BCAR3: variants seen among roughly 807,000 people sequenced by gnomAD.
The protein encoded by BCAR3 is BCAR3 adaptor protein, NSP family member.
BCAR3 carries 37 observed loss-of-function variants against 80.1 expected under a neutral mutation model. The ratio of observed to expected loss-of-function variants is 0.46; its 90% CI spans 0.36 to 0.61. BCAR3 has a LOEUF of 0.61. Ranked by LOEUF, BCAR3 falls within the 20% of genes least tolerant of loss-of-function variation. The pLI, the probability that BCAR3 is intolerant of heterozygous loss-of-function variation, is 0.00. For synonymous variants in BCAR3, 389 were observed against 418.9 expected (o/e 0.93, Z 0.87); for missense variants, 978 against 1,068.2 (o/e 0.92, Z 1.18).
At chr1:93,845,502 A>ATATATATATCTCTCATGTTGTCAAG in intron 2 of BCAR3, 1 of 113,822 alleles carries the variant, frequency 8.8e-6, no homozygotes, top group Non-Finnish European at 1.8e-5. Context: ...ATATATATAT[A>ATATATATATCTCTCATGTTGTCAAG]AAACTTTGTT....
intron 2 of BCAR3, among the ~76,000 whole-genome samples, chr1:93,788,918 T>C (rs1653042103): frequency 6.6e-6 from 1 of 152,198 alleles, no homozygotes; most frequent in Non-Finnish European, 1.5e-5. Flanking sequence ...AGTTAGAGAA[T>C]GTGTGATTTT....
chr1:93,703,865 A>G (rs896611663), intron 3 of BCAR3, among the ~76,000 whole-genome samples: 2 of 152,240 alleles, frequency 1.3e-5, no homozygotes, highest in Non-Finnish European at 2.9e-5. Context: ...CAGCAAGACA[A>G]GTCCAGGGAG....
chr1:93,655,985 A>G (rs1016466456), intron 2 of BCAR3, among the ~76,000 whole-genome samples: 2 of 152,244 alleles, frequency 1.3e-5, no homozygotes, highest in Non-Finnish European at 2.9e-5. Context: ...TTCTTCGTGC[A>G]GGACATTCTC....
chr1:93,562,426 A>C lies in BCAR3; in HGVS notation c.2300-7T>G. 1.2e-6 allele frequency: 2 copies of C among 1,611,298 alleles called. No individual in the cohort carries two copies. Among genetic ancestry groups the C allele is most frequent in the Non-Finnish European group, 1.7e-6 (2 of 1,178,462 alleles). On this transcript the variant is annotated splice_polypyrimidine_tract_variant and splice_region_variant and intron_variant, in intron 11 of 11. Transcript: ENST00000260502. ...TCTTCATCTGGTTGAAAACCTAATG[A>C]AACAAAATAAACAAAAAGTTACTTC... is the stretch of plus-strand genomic sequence containing the variant.
intron 2 of BCAR3, among the ~76,000 whole-genome samples, chr1:93,829,724 T>C (rs1462779678): frequency 2.0e-5 from 3 of 152,248 alleles, no homozygotes; most frequent in African/African-American, 7.2e-5. Context: ...GTGTTGGCTG[T>C]GAGCCTTATG....
chr1:93,819,660 A>T (rs1654145045), intron 2 of BCAR3, among the ~76,000 whole-genome samples: 1 of 152,220 alleles, frequency 6.6e-6, no homozygotes, highest in Admixed American at 6.5e-5. Flanking sequence ...TACAGAGAAA[A>T]TTCAGGCAGA....
At chr1:93,758,206 C>T (rs1354888467) in intron 2 of BCAR3, among the ~76,000 whole-genome samples, 1 of 152,218 alleles carries the variant, frequency 6.6e-6, no homozygotes, top group African/African-American at 2.4e-5. Flanking sequence ...GCCTGCCTAG[C>T]ATTTGTACCT....
At chr1:93,839,069 G>A (rs1490251678) in intron 2 of BCAR3, among the ~76,000 whole-genome samples, 4 of 152,188 alleles carry the variant, frequency 2.6e-5, no homozygotes, top group Admixed American at 2.6e-4. Context: ...TTGGGAGGCC[G>A]AGGCAGGTGG....
intron 2 of BCAR3, among the ~76,000 whole-genome samples, chr1:93,756,937 C>T (rs889761442): frequency 2.6e-5 from 4 of 152,100 alleles, no homozygotes; most frequent in African/African-American, 9.7e-5. Context: ...ACACTCTAGG[C>T]TTCTAGAGTT....
chr1:93,729,470 C>T (rs1355798), intron 2 of BCAR3, among the ~76,000 whole-genome samples: 127,374 of 152,174 alleles, frequency 0.84, 53,606 homozygotes, highest in South Asian at 0.87. Flanking sequence ...TGTCAAGAAG[C>T]CTAAAAATTG....
chr1:93,801,272 T>A (rs1308745362), intron 2 of BCAR3, among the ~76,000 whole-genome samples: 1 of 152,236 alleles, frequency 6.6e-6, no homozygotes, highest in South Asian at 2.1e-4. Context: ...AATCTGTAAA[T>A]TCATGATTTT....
intron 11 of BCAR3, among the ~76,000 whole-genome samples, chr1:93,566,780 T>G (rs560979078): frequency 6.6e-6 from 1 of 152,312 alleles, no homozygotes; most frequent in African/African-American, 2.4e-5. Context: ...CAGGCTGGAG[T>G]GCAGTGGTGC....
chr1:93,614,008 G>T, intron 3 of BCAR3: 1 of 1,530,080 alleles, frequency 6.5e-7, no homozygotes, highest in Non-Finnish European at 8.8e-7. Flanking sequence ...TAAAGCCCTA[G>T]CCCACCACAG....
At chr1:93,839,832 T>C (rs1654895776) in intron 2 of BCAR3, among the ~76,000 whole-genome samples, 1 of 152,212 alleles carries the variant, frequency 6.6e-6, no homozygotes, top group African/African-American at 2.4e-5. Context: ...AGAGCTTGAA[T>C]ACCTAAGCCC....
Position 93,823,135 on chromosome 1 carries a change from A to C in BCAR3, c.-63+22432T>G, listed in dbSNP as rs1320392609. Among the ~76,000 whole-genome samples the C allele has an allele frequency of 1.5e-5, 2 of 133,224 alleles. 1 individual carries two copies. Among genetic ancestry groups the C allele is most frequent in the Non-Finnish European group, 3.4e-5 (2 of 58,960 alleles). 87.4% of individuals were successfully genotyped at this position (133,224 alleles called of 152,430 possible). On this transcript the variant is annotated intron_variant, in intron 2 of 13. Transcript: ENST00000370244. ...AAGGCGTACAGCGTGGAAATGACAG[A>C]GCTGAAAGAGGGGAAGGACTTGGGC...
In BCAR3 at chr1:93,836,054, A is replaced by C. The variant is rs146952755; in HGVS notation, c.-63+9513T>G. Among the ~76,000 whole-genome samples the C allele has an allele frequency of 4.2e-4, 64 of 152,264 alleles. No individual in the cohort carries two copies. The East Asian group carries it at 0.012, about 28-fold the overall frequency. On this transcript the variant is annotated intron_variant, in intron 2 of 13. Coordinates refer to the BCAR3 transcript ENST00000370244. ...ATCTTCAGGAAAGGTAAAATGGACTAATGGTCTTTTAAAGACACACCTCAC... is the reference window on the plus strand; with the variant it reads ...ATCTTCAGGAAAGGTAAAATGGACTCATGGTCTTTTAAAGACACACCTCAC...
intron 2 of BCAR3, among the ~76,000 whole-genome samples, chr1:93,825,907 C>A (rs1294317629): frequency 6.6e-6 from 1 of 152,198 alleles, no homozygotes; most frequent in Non-Finnish European, 1.5e-5. Context: ...ATCTGCTTCC[C>A]TGACCACAGT....
At chr1:93,820,266 T>C (rs960120591) in intron 2 of BCAR3, among the ~76,000 whole-genome samples, 3 of 152,222 alleles carry the variant, frequency 2.0e-5, no homozygotes, top group African/African-American at 7.2e-5. Context: ...TCTTTAGTTC[T>C]CTGCAGACAC....
intron 3 of BCAR3, among the ~76,000 whole-genome samples, chr1:93,629,350 T>C (rs1675538920): frequency 6.6e-6 from 1 of 152,204 alleles, no homozygotes; most frequent in African/African-American, 2.4e-5. Context: ...CAAATACAAG[T>C]TGTTCCCAGG....
Sources: gnomAD v4.1 joint callset for allele counts (sites outside exome capture counted in the v4.1 genomes callset) on GRCh38, gnomAD v4.1.1 for gene constraint, MANE v1.5 for transcripts, NCBI Gene and HGNC (gene_info 2026-07-23, HGNC 2026-07-21) for gene names.